CSMD3: variants seen among roughly 807,000 people sequenced by gnomAD.
The protein encoded by CSMD3 is CUB and sushi domain-containing protein 3.
CSMD3 carries 177 observed loss-of-function variants against 435.2 expected under a neutral mutation model. The observed-to-expected ratio is 0.41, with a 90% confidence interval of 0.36 to 0.46. The LOEUF (loss-of-function observed/expected upper bound fraction) is 0.46, where lower values mean the gene tolerates loss of function less well. Ranked by LOEUF, CSMD3 falls within the 20% of genes least tolerant of loss-of-function variation. CSMD3 has a pLI of 0.34. For synonymous variants in CSMD3, 1,656 were observed against 1,520.5 expected (o/e 1.09, Z -2.07); for missense variants, 4,265 against 4,504.6 (o/e 0.95, Z 1.52).
In CSMD3 at chr8:113,399,104, T is replaced by TAC. The variant is rs544453240; in HGVS notation, c.178+37572_178+37573insGT. Among the ~76,000 whole-genome samples the TAC allele has an allele frequency of 1.8e-3, 134 of 74,982 alleles. No homozygotes were observed. The East Asian group carries it at 0.048, about 27-fold the overall frequency. The allele number at this position is 74,982 out of a possible 152,430, so 49.2% of individuals were successfully genotyped here. A position where few individuals can be genotyped will look rare whatever the true frequency, so the allele number is the denominator to read the frequency against. ...ATATATATATATATATATATATATA[T>TAC]ATACACACACACACACACACTATAT... On this transcript the variant is annotated intron_variant, in intron 1 of 70. Coordinates refer to ENST00000297405, the MANE Select transcript of CSMD3 (RefSeq NM_198123.2).
At chr8:113,210,003 G>GGTGTGTGTGTGT (rs3048831) in intron 3 of CSMD3, among the ~76,000 whole-genome samples, 37 of 139,056 alleles carry the variant, frequency 2.7e-4, no homozygotes, top group Middle Eastern at 3.9e-3. Context: ...TCTCCTAAAA[G>GGTGTGTGTGTGT]GTGTGTGTGT....
intron 13 of CSMD3, among the ~76,000 whole-genome samples, chr8:112,702,211 A>G (rs2131880860): frequency 6.6e-6 from 1 of 152,264 alleles, no homozygotes; most frequent in East Asian, 1.9e-4. Flanking sequence ...GATTTGTCCA[A>G]CGACACACAA....
At chr8:113,333,971 G>A (rs1186584328) in intron 1 of CSMD3, among the ~76,000 whole-genome samples, 1 of 151,770 alleles carries the variant, frequency 6.6e-6, no homozygotes. Flanking sequence ...TAGTTTTCAG[G>A]ATAGAAGTCC....
intron 3 of CSMD3, among the ~76,000 whole-genome samples, chr8:113,215,056 GC>G (rs1461975851): frequency 1.3e-5 from 2 of 151,750 alleles, no homozygotes; most frequent in Non-Finnish European, 2.9e-5. Context: ...CGTATACAGA[GC>G]CACATATAGA....
intron 38 of CSMD3, among the ~76,000 whole-genome samples, chr8:112,368,987 T>C (rs958815223): frequency 6.6e-6 from 1 of 152,154 alleles, no homozygotes; most frequent in African/African-American, 2.4e-5. Context: ...TAATGTTGTA[T>C]AACCTTCTTT....
At chr8:112,246,076 G>A (rs975070555) in intron 64 of CSMD3, among the ~76,000 whole-genome samples, 14 of 151,940 alleles carry the variant, frequency 9.2e-5, no homozygotes, top group African/African-American at 2.2e-4. Context: ...GTTACAGCCC[G>A]CACAGCTGTT....
intron 5 of CSMD3, among the ~76,000 whole-genome samples, chr8:113,078,008 TAACTC>T (rs1213423979): frequency 6.6e-6 from 1 of 152,204 alleles, no homozygotes; most frequent in African/African-American, 2.4e-5. Flanking sequence ...TTATCAATAA[TAACTC>T]AATGAGTTAA....
chr8:112,760,736 C>T (rs531140189), intron 13 of CSMD3, among the ~76,000 whole-genome samples: 3 of 152,086 alleles, frequency 2.0e-5, no homozygotes, highest in Admixed American at 2.0e-4. Context: ...AGACTTATTC[C>T]CACCATAATC....
At chr8:112,783,243 G>A (rs1485954940) in intron 13 of CSMD3, among the ~76,000 whole-genome samples, 2 of 151,594 alleles carry the variant, frequency 1.3e-5, no homozygotes, top group Non-Finnish European at 2.9e-5. Context: ...AATTTGTTTT[G>A]CAATAAGTGC....
intron 3 of CSMD3, among the ~76,000 whole-genome samples, chr8:113,218,677 G>T (rs956999377): frequency 1.3e-5 from 2 of 150,882 alleles, no homozygotes; most frequent in Non-Finnish European, 3.0e-5. Context: ...AGTAATGGAA[G>T]GAAAATTTCT....
chr8:113,101,137 C>A (rs1457753761), intron 4 of CSMD3, among the ~76,000 whole-genome samples: 1 of 152,256 alleles, frequency 6.6e-6, no homozygotes, highest in South Asian at 2.1e-4. Flanking sequence ...CTCATAGGCC[C>A]TTTCATGGGC....
rs73339734 is a variant in CSMD3, at chr8:113,317,903, C to T, written c.179-3110G>A. On this transcript the variant is annotated intron_variant, in intron 1 of 70. Transcript: ENST00000297405. ...TTCTGGGTACAGATGTAGACTTCTA[C>T]TACATTCTTCTTTGAAAGACTTTAT... Among the ~76,000 whole-genome samples the T allele has an allele frequency of 2.9e-3, 441 of 152,242 alleles. 2 individuals carry two copies. Among genetic ancestry groups the T allele is most frequent in the African/African-American group, 9.8e-3 (406 of 41,562 alleles).
chr8:113,092,482 A>G (rs2090037753), intron 5 of CSMD3, among the ~76,000 whole-genome samples: 1 of 152,108 alleles, frequency 6.6e-6, no homozygotes, highest in South Asian at 2.1e-4. Context: ...ACTAGCTAGA[A>G]TAAGGATTGC....
chr8:113,155,404 T>C (rs1208803537), intron 4 of CSMD3, among the ~76,000 whole-genome samples: 2 of 152,208 alleles, frequency 1.3e-5, no homozygotes, highest in East Asian at 3.9e-4. Flanking sequence ...TCTTGGCCTT[T>C]ATTTTTGTAT....
intron 1 of CSMD3, chr8:113,376,530 C>G: frequency 3.5e-6 from 2 of 563,620 alleles, no homozygotes; most frequent in East Asian, 6.9e-5. Flanking sequence ...TGTCTTCTGT[C>G]TTTTCTGTAT....
chr8:113,329,835 T>C (rs1354228300), intron 1 of CSMD3, among the ~76,000 whole-genome samples: 2 of 152,000 alleles, frequency 1.3e-5, no homozygotes, highest in African/African-American at 4.8e-5. Flanking sequence ...CAAGAAAATC[T>C]ATAACCAAAA....
intron 65 of CSMD3, among the ~76,000 whole-genome samples, chr8:112,243,119 T>C (rs1326869639): frequency 6.6e-6 from 1 of 152,040 alleles, no homozygotes; most frequent in Non-Finnish European, 1.5e-5. Context: ...AAGTCTCTCA[T>C]GAGATTATAT....
intron 31 of CSMD3, among the ~76,000 whole-genome samples, chr8:112,489,188 C>T (rs546963273): frequency 7.2e-5 from 11 of 151,898 alleles, no homozygotes; most frequent in East Asian, 1.9e-4. Flanking sequence ...GAGGCCAAGG[C>T]GGGAGGATCA....
chr8:112,272,445 T>C (rs943473684), intron 59 of CSMD3, among the ~76,000 whole-genome samples: 1 of 152,178 alleles, frequency 6.6e-6, no homozygotes, highest in Non-Finnish European at 1.5e-5. Flanking sequence ...ATAAAAATTG[T>C]GTCTACAGAG....
Sources: allele counts gnomAD v4.1 joint callset (sites outside exome capture counted in the v4.1 genomes callset), GRCh38; gene constraint gnomAD v4.1.1; transcripts MANE v1.5; gene names NCBI Gene and HGNC (gene_info 2026-07-23, HGNC 2026-07-21).